The following PSMC6 variants were observed in gnomAD, a reference collection of about 807,000 sequenced individuals.
PSMC6 encodes the protein proteasome 26S subunit, ATPase 6.
PSMC6 carries 3 observed loss-of-function variants against 55.9 expected under a neutral mutation model. The observed-to-expected ratio is 0.05, with a 90% CI of 0.02 to 0.14. The LOEUF (loss-of-function observed/expected upper bound fraction) is 0.14, where lower values mean the gene tolerates loss of function less well. PSMC6 is among the 10% of genes least tolerant of loss of function. The probability of loss-of-function intolerance (pLI) is 1.00; values close to 1 mark genes in which losing one functional copy is unlikely to be tolerated. For synonymous variants in PSMC6, 137 were observed against 155.9 expected, an observed-to-expected ratio of 0.88 and a Z score of 0.90; for missense variants, 210 against 478.7, an observed-to-expected ratio of 0.44 and a Z score of 5.24.
Position 52,711,333 on chromosome 14 carries a change from C to T in PSMC6, c.327-77C>T, listed in dbSNP as rs960983336. On this transcript the variant is annotated intron_variant, in intron 5 of 13. Coordinates refer to ENST00000445930, the MANE Select transcript of PSMC6 (RefSeq NM_002806.5). ...GATCAGCTACAGGTGCTTGCTTGAGCAAGTTATTTATATGCTATCTGTAGG... is the reference window on the plus strand; with the variant it reads ...GATCAGCTACAGGTGCTTGCTTGAGTAAGTTATTTATATGCTATCTGTAGG... The T allele has an allele frequency of 5.2e-6, 7 of 1,348,310 alleles. No individual in the cohort carries two copies. In the African/African-American group the frequency reaches 5.9e-5, roughly 11 times the overall value. 83.5% of individuals were successfully genotyped at this position (1,348,310 alleles called of 1,614,324 possible).
At chr14:52,721,379 A>G (rs1416207960) in intron 12 of PSMC6, 189 bp downstream of exon 12, 1 of 508,746 alleles carries the variant, frequency 2.0e-6, no homozygotes. Context: ...AGGGCTGACA[A>G]TATAGCAAGG....
At chr14:52,709,749 A>T (rs561605200) in intron 4 of PSMC6, 8 of 292,904 alleles carry the variant, frequency 2.7e-5, no homozygotes, top group Admixed American at 2.6e-4. Flanking sequence ...TTTTTTTTTC[A>T]GGTTTTAGAA....
Position 52,709,357 on chromosome 14 carries a change from A to G in PSMC6, c.258+541A>G, listed in dbSNP as rs571319166. ...GTATTATTCTTTAGGAAGTGTCCTTAGATAATTCTTTTAAATTCATTGGAA... is the reference window on the plus strand; with the variant it reads ...GTATTATTCTTTAGGAAGTGTCCTTGGATAATTCTTTTAAATTCATTGGAA... On this transcript the variant is annotated intron_variant, in intron 4 of 13. Transcript: ENST00000445930. Among the ~76,000 whole-genome samples the G allele has an allele frequency of 3.3e-5, 5 of 152,358 alleles. No homozygotes were observed. In the East Asian group the frequency reaches 7.7e-4, roughly 23 times the overall value.
chr14:52,715,363 C>A (rs2041819420), intron 7 of PSMC6, among the ~76,000 whole-genome samples: 1 of 152,036 alleles, frequency 6.6e-6, no homozygotes, highest in Admixed American at 6.6e-5. Flanking sequence ...ACTATTTTTG[C>A]TTGAATGGAC....
chr14:52,727,475 G>T, intron 13 of PSMC6, 24 bp from the exon 14 acceptor site: 1 of 1,449,260 alleles, frequency 6.9e-7, no homozygotes. Flanking sequence ...ATATATAGCA[G>T]TCATGTTGTT....
At chr14:52,717,373 C>T (rs2041841289) in intron 7 of PSMC6, among the ~76,000 whole-genome samples, 1 of 118,058 alleles carries the variant, frequency 8.5e-6, no homozygotes, top group Non-Finnish European at 1.6e-5. Flanking sequence ...CTTGCTCTGT[C>T]ACCCAGGCTG....
chr14:52,718,065 C>T lies in PSMC6; in HGVS notation c.530-16C>T, dbSNP rs781404109. The T allele has an allele frequency of 6.2e-7, 1 of 1,611,246 alleles. No individual in the cohort carries two copies. Among genetic ancestry groups the T allele is most frequent in the East Asian group, 2.2e-5 (1 of 44,864 alleles). On this transcript the variant is annotated splice_polypyrimidine_tract_variant and intron_variant, in intron 7 of 13. Coordinates refer to ENST00000445930, the MANE Select transcript of PSMC6 (RefSeq NM_002806.5). Reference sequence around the variant, plus strand: ...CTACCTTACCATCTAATTAAGACTTCTTTTGTCATTCTTAGGTACGGGAAA... The same window carrying T: ...CTACCTTACCATCTAATTAAGACTTTTTTTGTCATTCTTAGGTACGGGAAA...
At chr14:52,711,797 C>T (rs2041775960) in intron 6 of PSMC6, among the ~76,000 whole-genome samples, 1 of 152,064 alleles carries the variant, frequency 6.6e-6, no homozygotes, top group Admixed American at 6.6e-5. Flanking sequence ...TTGATGTAAT[C>T]TGATATCCTG....
chr14:52,710,995 C>A, intron 4 of PSMC6, 106 bp from the exon 5 acceptor site: 5 of 878,402 alleles, frequency 5.7e-6, no homozygotes, highest in Non-Finnish European at 7.3e-6. Flanking sequence ...TTTGTGTTCT[C>A]TCTGGAGGGT....
chr14:52,707,295 C>A lies in PSMC6; in HGVS notation c.76C>A (p.Leu26Ile). Residue 26 changes from leucine (L) to isoleucine (I), a missense_variant, in exon 1 of 14, where the codon CTT becomes ATT. Transcript: ENST00000445930. ...TGAACACAAGGAGATCGACGGCCGT[C>A]TTAAGGAGTGTGAGTGCACCTTTCT... is the stretch of plus-strand genomic sequence containing the variant. ...LLEHKEIDGR[L>I]KELREQLKEL... The A allele has an allele frequency of 6.2e-7, 1 of 1,614,070 alleles. No individual in the cohort carries two copies. The highest frequency in any genetic ancestry group is 8.5e-7 in the Non-Finnish European group (1 of 1,180,024).
rs1440425178 is a variant in PSMC6 at position 52,719,066 on chromosome 14, A to G, written c.777+28A>G. On this transcript the variant is annotated intron_variant, in intron 10 of 13. Transcript: ENST00000445930. Reference sequence around the variant, plus strand: ...AATATTTGGTAAAGGGGGTTTATAAAGAAACCAATGTTTATTAAATGAAGA... The same window carrying G: ...AATATTTGGTAAAGGGGGTTTATAAGGAAACCAATGTTTATTAAATGAAGA... 1.9e-6 allele frequency: 3 copies of G among 1,540,224 alleles called. No individual in the cohort carries two copies. In the African/African-American group the frequency reaches 4.1e-5, roughly 21 times the overall value.
intron 4 of PSMC6, 37 bp downstream of exon 4, chr14:52,708,853 C>T (rs753482910): frequency 1.2e-6 from 2 of 1,605,588 alleles, no homozygotes; most frequent in Non-Finnish European, 1.7e-6. Flanking sequence ...TGATGATTGA[C>T]AAAGCAGTTT....
chr14:52,723,757 A>G, intron 12 of PSMC6: 1 of 1,181,684 alleles, frequency 8.5e-7, no homozygotes, highest in Non-Finnish European at 1.1e-6. Context: ...CTGTTTTTAA[A>G]GTTTCAGGGG....
At chr14:52,715,713 C>T (rs1227374889) in intron 7 of PSMC6, among the ~76,000 whole-genome samples, 1 of 150,080 alleles carries the variant, frequency 6.7e-6, no homozygotes, top group Non-Finnish European at 1.5e-5. Flanking sequence ...GCCTCTTGGG[C>T]TCAGGTGATT....
chr14:52,708,867 G>C, intron 4 of PSMC6, 51 bp downstream of exon 4: 1 of 1,600,210 alleles, frequency 6.2e-7, no homozygotes, highest in Non-Finnish European at 8.5e-7. Context: ...GCAGTTTCAT[G>C]TAAGTTATTG....
intron 10 of PSMC6, among the ~76,000 whole-genome samples, chr14:52,720,622 G>A (rs1001499010): frequency 6.6e-6 from 1 of 151,916 alleles, no homozygotes; most frequent in Non-Finnish European, 1.5e-5. Context: ...AAACTACCTG[G>A]TAGCTATAGA....
chr14:52,714,888 A>AAT (rs1566658358), intron 7 of PSMC6, among the ~76,000 whole-genome samples: 1 of 142,948 alleles, frequency 7.0e-6, no homozygotes. Flanking sequence ...AAAAAAAAAA[A>AAT]TTTTTTTATA....
rs753642513 is a variant in PSMC6, at chr14:52,713,900, C to T, written c.461C>T (p.Thr154Ile). ...TTCTAGGTGATAGAATTACCTCTTA[C>T]AAACCCAGAGTTATTTCAGCGTGTA... ...ELREVIELPL[T>I]NPELFQRVGI... The change falls in exon 7 of 14, where the codon ACA becomes ATA. Residue 154 changes from threonine to isoleucine, a missense_variant. Physicochemically the swap from Thr to Ile is moderately conservative, Grantham distance 89 (BLOSUM62 -1). Around this residue, in one of 4 missense-constraint regions of PSMC6, gnomAD observed 101 missense variants for 250.4 expected, o/e 0.40. Coordinates refer to ENST00000445930, the MANE Select transcript of PSMC6 (RefSeq NM_002806.5). The T allele has an allele frequency of 1.9e-6, 3 of 1,593,936 alleles. No individual in the cohort carries two copies. Among genetic ancestry groups the T allele is most frequent in the African/African-American group, 2.7e-5 (2 of 74,290 alleles).
intron 13 of PSMC6, among the ~76,000 whole-genome samples, chr14:52,726,889 A>T (rs961101169): frequency 1.3e-5 from 2 of 151,968 alleles, no homozygotes; most frequent in African/African-American, 2.4e-5. Context: ...TAATCCGTCC[A>T]CCTTGGCCTC....
Sources: allele counts gnomAD v4.1 joint callset (sites outside exome capture counted in the v4.1 genomes callset), GRCh38; gene constraint gnomAD v4.1.1; regional missense constraint gnomAD v4.1.1; transcripts MANE v1.5; gene names NCBI Gene and HGNC (gene_info 2026-07-23, HGNC 2026-07-21).